ABR: variants seen among roughly 807,000 people sequenced by gnomAD.
The protein encoded by ABR is active breakpoint cluster region-related protein.
In ABR, 35 loss-of-function variants were observed where a neutral mutation model predicts 107.2. The observed-to-expected ratio is 0.33, with a 90% CI of 0.25 to 0.43. ABR has a LOEUF of 0.43. ABR is among the 20% of genes least tolerant of loss of function. The probability of loss-of-function intolerance (pLI) is 1.00; values close to 1 mark genes in which losing one functional copy is unlikely to be tolerated. For missense variants in ABR, 815 were observed against 1,115.2 expected, an observed-to-expected ratio of 0.73 and a Z score of 3.83; for synonymous variants, 498 against 462.0, an observed-to-expected ratio of 1.08 and a Z score of -1.00.
At chr17:1,220,321 T>C (rs554429887) in intron 1 of ABR, among the ~76,000 whole-genome samples, 1 of 152,008 alleles carries the variant, frequency 6.6e-6, no homozygotes, top group African/African-American at 2.4e-5. Flanking sequence ...TAATCATTTT[T>C]CTCAGCAGTT....
chr17:1,111,260 C>T (rs2038660361), intron 2 of ABR, among the ~76,000 whole-genome samples: 1 of 152,182 alleles, frequency 6.6e-6, no homozygotes, highest in Non-Finnish European at 1.5e-5. Flanking sequence ...CCCACTTCTT[C>T]CCAAAATCCC....
At chr17:1,138,701 A>G (rs2040176678) in intron 1 of ABR, among the ~76,000 whole-genome samples, 1 of 151,398 alleles carries the variant, frequency 6.6e-6, no homozygotes. Flanking sequence ...CTGGTCTTGA[A>G]CTCCTGGCCT....
rs1031114932 is a variant in ABR, at chr17:1,004,739, GCTGT to G, written c.*1337_*1340del. The G allele has an allele frequency of 1.4e-5, 4 of 295,600 alleles. No homozygotes were observed. The Admixed American group carries it at 1.5e-4, about 11-fold the overall frequency. 18.3% of individuals were successfully genotyped at this position (295,600 alleles called of 1,614,324 possible). A position where few individuals can be genotyped will look rare whatever the true frequency, so the allele number is the denominator to read the frequency against. On this transcript the variant is annotated 3_prime_UTR_variant, in exon 23 of 23. Coordinates refer to ENST00000302538, the MANE Select transcript of ABR (RefSeq NM_021962.5). ...CAGCAGAACCCAGCCCCTAGAGGCG[GCTGT>G]CTGATTCCCCACTCTCCCCACAACT... is the stretch of plus-strand genomic sequence containing the variant.
chr17:1,149,040 G>A (rs1286064343), intron 1 of ABR, among the ~76,000 whole-genome samples: 4 of 149,656 alleles, frequency 2.7e-5, no homozygotes, highest in Non-Finnish European at 4.4e-5. Flanking sequence ...TAGCTGGGAC[G>A]ACAGGTGCCT....
upstream of ABR, chr17:1,180,001 C>A (rs4076807): frequency 0.54 from 56,808 of 105,254 alleles, 12,554 homozygotes; most frequent in Middle Eastern, 0.6. Flanking sequence ...GGGGGCGGGG[C>A]GGGGGTGGGG....
At chr17:1,048,136 C>G (rs2031912645) in intron 16 of ABR, among the ~76,000 whole-genome samples, 1 of 152,230 alleles carries the variant, frequency 6.6e-6, no homozygotes, top group African/African-American at 2.4e-5. Context: ...CCACAGAGAG[C>G]AGGTCCCAGG....
chr17:1,152,560 C>T (rs1291967487), intron 1 of ABR, among the ~76,000 whole-genome samples: 1 of 151,574 alleles, frequency 6.6e-6, no homozygotes, highest in East Asian at 1.9e-4. Flanking sequence ...CACTGCACTC[C>T]AGCCTGGAGA....
At chr17:1,205,935 C>T (rs762830030) in intron 1 of ABR, among the ~76,000 whole-genome samples, 67 of 150,982 alleles carry the variant, frequency 4.4e-4, no homozygotes, top group Non-Finnish European at 2.1e-4. Flanking sequence ...AGCAAGACTC[C>T]GACTCGAAAA....
chr17:1,079,157 C>A (rs2035993449), intron 6 of ABR, 173 bp downstream of exon 6: 1 of 1,449,500 alleles, frequency 6.9e-7, no homozygotes, highest in African/African-American at 1.4e-5. Context: ...AGAGTCCTCG[C>A]GTGCGCGCAC....
In ABR at chr17:1,200,375, A is replaced by T. The variant is rs538228438; in HGVS notation, c.838+28418T>A. On this transcript the variant is annotated intron_variant, in intron 1 of 22. Transcript: ENST00000574139. This position sits in a 1 kb window ranked among gnomAD's most constrained non-coding sequence, Gnocchi z 4.1. ...AACATAGCAAGACACTGTCTCCATT[A>T]AAAAAAATTTTTTTAAATAAAGTCT... 6.6e-6 allele frequency among the ~76,000 whole-genome samples: 1 copy of T among 151,956 alleles called. No individual in the cohort carries two copies. Among genetic ancestry groups the T allele is most frequent in the Non-Finnish European group, 1.5e-5 (1 of 68,006 alleles).
intron 1 of ABR, among the ~76,000 whole-genome samples, chr17:1,169,992 T>TTGTG (rs1236679473): frequency 7.5e-6 from 1 of 132,480 alleles, no homozygotes; most frequent in African/African-American, 3.0e-5. Context: ...GTGTTTGTGT[T>TTGTG]TGTGTGTGTG....
At chr17:1,067,867 G>C (rs777334638) in intron 9 of ABR, among the ~76,000 whole-genome samples, 1 of 152,336 alleles carries the variant, frequency 6.6e-6, no homozygotes, top group Non-Finnish European at 1.5e-5. Context: ...TGCCATCTCT[G>C]CCTCAGAACT....
In ABR at chr17:1,083,661, A is replaced by C. The variant is rs143150873; in HGVS notation, c.532-34T>G. ...AGGAGTCAGGGAACAGAGGGAGAGGAGGGTGGGAGGGGAGAGGATTAATGA... is the reference window on the plus strand; with the variant it reads ...AGGAGTCAGGGAACAGAGGGAGAGGCGGGTGGGAGGGGAGAGGATTAATGA... On this transcript the variant is annotated intron_variant, in intron 4 of 22. Transcript: ENST00000302538. 749 of 952,092 alleles carry C rather than the reference A, an allele frequency of 7.9e-4. 6 individuals carry two copies. The African/African-American group carries it at 0.011, about 14-fold the overall frequency. 59.0% of individuals were successfully genotyped at this position (952,092 alleles called of 1,614,324 possible).
chr17:1,228,508 G>A (rs907582147), intron 1 of ABR, among the ~76,000 whole-genome samples: 4 of 152,164 alleles, frequency 2.6e-5, no homozygotes, highest in African/African-American at 7.2e-5. Flanking sequence ...GCTGGGGGAT[G>A]TCAGGGCCAC....
At chr17:1,024,796 A>G (rs1597419384) in intron 16 of ABR, among the ~76,000 whole-genome samples, 1 of 149,568 alleles carries the variant, frequency 6.7e-6, no homozygotes, top group African/African-American at 2.5e-5. Context: ...AAAAAAAAAA[A>G]AAAAAAATTA....
intron 21 of ABR, 21 bp downstream of exon 21, chr17:1,009,658 G>GT (rs763714180): frequency 4.1e-5 from 66 of 1,601,514 alleles, no homozygotes; most frequent in Non-Finnish European, 5.6e-5. Flanking sequence ...AGGAGGTGGG[G>GT]TTGGGGCCGC....
At position 1,027,171 on chromosome 17, in the gene ABR, C is replaced by A. The variant is rs1009445131; in HGVS notation, c.1792-14007G>T. On this transcript the variant is annotated intron_variant, in intron 16 of 22. Transcript: ENST00000302538. The surrounding 1 kb of genome is among the most constrained non-coding windows in gnomAD (Gnocchi z 4.7). ...CAGGCAGCTTTGGCCTTTGAGGAAC[C>A]CCCTTGATTGGCAGGTTCTCCTCTC... is the stretch of plus-strand genomic sequence containing the variant. 1.3e-5 allele frequency among the ~76,000 whole-genome samples: 2 copies of A among 152,246 alleles called. No individual in the cohort carries two copies. The highest frequency in any genetic ancestry group is 2.9e-5 in the Non-Finnish European group (2 of 68,036).
intron 1 of ABR, among the ~76,000 whole-genome samples, chr17:1,172,987 TC>T (rs2041775384): frequency 3.8e-5 from 1 of 26,120 alleles, no homozygotes; most frequent in Admixed American, 5.2e-4. Flanking sequence ...ACACATCACC[TC>T]AGTCCACCCA....
chr17:1,094,000 A>G (rs1489476278), intron 3 of ABR, among the ~76,000 whole-genome samples: 1 of 142,738 alleles, frequency 7.0e-6, no homozygotes, highest in Non-Finnish European at 1.5e-5. Flanking sequence ...TCCAGTCAGG[A>G]CTCTCCTTCT....
Sources: gnomAD v4.1 joint callset for allele counts (sites outside exome capture counted in the v4.1 genomes callset) on GRCh38, gnomAD v4.1.1 for gene constraint, Gnocchi (gnomAD v3.1) non-coding constraint, MANE v1.5 for transcripts, NCBI Gene and HGNC (gene_info 2026-07-23, HGNC 2026-07-21) for gene names.